The following GPC6 variants were observed in gnomAD, a reference collection of about 807,000 sequenced individuals.
The protein encoded by GPC6 is glypican-6.
Under a neutral mutation model 55.2 loss-of-function variants are expected in GPC6, and 14 were observed. The ratio of observed to expected loss-of-function variants is 0.25; its 90% CI spans 0.17 to 0.40. The LOEUF (loss-of-function observed/expected upper bound fraction) is 0.40, where lower values mean the gene tolerates loss of function less well. GPC6 is among the 10% of genes least tolerant of loss of function. The pLI is 1.00. For missense variants in GPC6, 641 were observed against 708.5 expected, an observed-to-expected ratio of 0.90 and a Z score of 1.08; for synonymous variants, 278 against 259.6, an observed-to-expected ratio of 1.07 and a Z score of -0.68.
chr13:94,392,994 G>C (rs1880724271), intron 7 of GPC6, among the ~76,000 whole-genome samples: 1 of 152,036 alleles, frequency 6.6e-6, no homozygotes, highest in East Asian at 1.9e-4. Context: ...CAGTGCACAG[G>C]GTTCCAATCT....
chr13:94,140,195 G>A (rs542182102), intron 4 of GPC6, among the ~76,000 whole-genome samples: 4 of 152,180 alleles, frequency 2.6e-5, no homozygotes, highest in Admixed American at 2.6e-4. Flanking sequence ...ACCTTTGAGT[G>A]GGACCCCTTT....
chr13:94,039,843 C>T (rs1417561957), intron 4 of GPC6, among the ~76,000 whole-genome samples: 1 of 151,840 alleles, frequency 6.6e-6, no homozygotes, highest in Non-Finnish European at 1.5e-5. Flanking sequence ...AAATATTAAA[C>T]ATTCAACAGC....
intron 4 of GPC6, among the ~76,000 whole-genome samples, chr13:94,095,720 C>T (rs931166293): frequency 4.5e-4 from 69 of 151,840 alleles, no homozygotes; most frequent in African/African-American, 1.6e-3. Flanking sequence ...TTCAGATTTG[C>T]GATAGTATTA....
At chr13:94,355,672 T>C (rs1878761144) in intron 6 of GPC6, among the ~76,000 whole-genome samples, 1 of 152,204 alleles carries the variant, frequency 6.6e-6, no homozygotes, top group Admixed American at 6.5e-5. Context: ...ACCTTCTCAG[T>C]GAGGCCTTCC....
At chr13:94,090,263 G>T (rs1050617428) in intron 4 of GPC6, among the ~76,000 whole-genome samples, 1 of 151,996 alleles carries the variant, frequency 6.6e-6, no homozygotes, top group African/African-American at 2.4e-5. Context: ...GAACAGCATG[G>T]GAAAACCGGC....
intron 4 of GPC6, among the ~76,000 whole-genome samples, chr13:94,229,515 G>A (rs1890657057): frequency 6.6e-6 from 1 of 152,152 alleles, no homozygotes; most frequent in South Asian, 2.1e-4. Flanking sequence ...AGAAACTACA[G>A]AAGCCAAGGA....
intron 2 of GPC6, among the ~76,000 whole-genome samples, chr13:93,617,011 A>C (rs1431435275): frequency 3.3e-5 from 5 of 152,120 alleles, no homozygotes; most frequent in African/African-American, 1.2e-4. Flanking sequence ...TTACCTTTAA[A>C]AACATTGTAA....
intron 1 of GPC6, among the ~76,000 whole-genome samples, chr13:93,433,202 G>A (rs1877435363): frequency 6.6e-6 from 1 of 152,100 alleles, no homozygotes; most frequent in Non-Finnish European, 1.5e-5. Context: ...CTGACAAACG[G>A]GATGATGCTG....
chr13:94,232,529 T>C (rs976991919), intron 4 of GPC6, among the ~76,000 whole-genome samples: 1 of 150,986 alleles, frequency 6.6e-6, no homozygotes, highest in Non-Finnish European at 1.5e-5. Context: ...AGGAGGTGGG[T>C]TTTTTTTGGG....
rs57665046 is a variant in GPC6 at position 93,798,918 on chromosome 13, C to CAAAAAAAAA, written c.320-31225_320-31217dup. On this transcript the variant is annotated intron_variant, in intron 2 of 8. Coordinates refer to ENST00000377047, the MANE Select transcript of GPC6 (RefSeq NM_005708.5). ...TGGGTGACAGAGCAAGACTCTGTCT[C>CAAAAAAAAA]AAAAAAAAAAAAAAAAAAATGGTGA... Among the ~76,000 whole-genome samples the CAAAAAAAAA allele has an allele frequency of 2.1e-3, 178 of 86,136 alleles. 3 individuals are homozygous for CAAAAAAAAA. Among genetic ancestry groups the CAAAAAAAAA allele is most frequent in the Non-Finnish European group, 3.2e-3 (142 of 43,924 alleles). 56.5% of individuals were successfully genotyped at this position (86,136 alleles called of 152,430 possible).
At chr13:93,586,219 T>G (rs1319166727) in intron 2 of GPC6, among the ~76,000 whole-genome samples, 2 of 152,170 alleles carry the variant, frequency 1.3e-5, no homozygotes, top group Non-Finnish European at 2.9e-5. Flanking sequence ...ACTATTTGGT[T>G]TACTGTCCCT....
chr13:93,727,235 C>G (rs575366331), intron 2 of GPC6, among the ~76,000 whole-genome samples: 128 of 152,260 alleles, frequency 8.4e-4, no homozygotes, highest in African/African-American at 3.0e-3. Context: ...ATATACTGCT[C>G]TTACCATGTA....
chr13:93,270,213 A>G (rs1034761437), intron 1 of GPC6, among the ~76,000 whole-genome samples: 3 of 150,620 alleles, frequency 2.0e-5, no homozygotes, highest in Admixed American at 6.6e-5. Flanking sequence ...TTATGTCACT[A>G]ATCTCCAGCC....
At chr13:94,368,441 C>G (rs1376284030) in intron 6 of GPC6, among the ~76,000 whole-genome samples, 1 of 152,074 alleles carries the variant, frequency 6.6e-6, no homozygotes, top group Non-Finnish European at 1.5e-5. Context: ...AATTTCTCCA[C>G]CAAGCATTAC....
intron 1 of GPC6, among the ~76,000 whole-genome samples, chr13:93,312,404 T>C (rs1429567504): frequency 1.3e-5 from 2 of 152,158 alleles, no homozygotes; most frequent in Non-Finnish European, 2.9e-5. Context: ...GCTTGCTATT[T>C]TGAGTTTTAA....
intron 1 of GPC6, among the ~76,000 whole-genome samples, chr13:93,460,615 CTT>C (rs1878642437): frequency 6.6e-6 from 1 of 152,150 alleles, no homozygotes; most frequent in Admixed American, 6.5e-5. Flanking sequence ...GAAAAGAACT[CTT>C]GATGTATTGG....
chr13:93,765,484 CTT>C (rs66660153), intron 2 of GPC6, among the ~76,000 whole-genome samples: 5 of 151,758 alleles, frequency 3.3e-5, no homozygotes, highest in African/African-American at 9.7e-5. Context: ...ATATTATAAA[CTT>C]TTTTAAAAAA....
intron 1 of GPC6, among the ~76,000 whole-genome samples, chr13:93,318,695 C>T (rs61965673): frequency 0.017 from 2,587 of 151,980 alleles, 27 homozygotes; most frequent in Non-Finnish European, 0.027. Context: ...GAGGTGCCAA[C>T]AAGCAGGAAG....
At chr13:93,428,843 A>G (rs989935549) in intron 1 of GPC6, among the ~76,000 whole-genome samples, 1 of 152,190 alleles carries the variant, frequency 6.6e-6, no homozygotes, top group Non-Finnish European at 1.5e-5. Context: ...ATAAATGTAA[A>G]TGTGAATACA....
Sources: allele counts gnomAD v4.1 joint callset (sites outside exome capture counted in the v4.1 genomes callset), GRCh38; gene constraint gnomAD v4.1.1; transcripts MANE v1.5; gene names NCBI Gene and HGNC (gene_info 2026-07-23, HGNC 2026-07-21).